VPS13C: variants seen among roughly 807,000 people sequenced by gnomAD.
The protein encoded by VPS13C is vacuolar protein sorting 13 homolog C, also known as intermembrane lipid transfer protein VPS13C.
In VPS13C, 358 loss-of-function variants were observed where a neutral mutation model predicts 456.8. The observed-to-expected ratio is 0.78, with a 90% CI of 0.72 to 0.86. The LOEUF is 0.86. Ranked by LOEUF, VPS13C falls within the 40% of genes least tolerant of loss-of-function variation. The pLI is 0.00. For synonymous variants in VPS13C, 1,578 were observed against 1,486.7 expected (o/e 1.06, Z -1.41); for missense variants, 4,818 against 4,385.4 (o/e 1.10, Z -2.79).
intron 79 of VPS13C, 115 bp downstream of exon 79, chr15:61,871,873 TA>T: frequency 1.1e-6 from 1 of 891,798 alleles, no homozygotes; most frequent in Non-Finnish European, 1.7e-6. Flanking sequence ...GCTACGAATA[TA>T]AAATTCAGTC....
chr15:61,876,465 T>C (rs903653820), intron 75 of VPS13C, among the ~76,000 whole-genome samples: 7 of 151,858 alleles, frequency 4.6e-5, no homozygotes, highest in Non-Finnish European at 8.8e-5. Flanking sequence ...CATGTAACAA[T>C]CATAATGTCT....
At position 61,914,878 on chromosome 15, in the gene VPS13C, T is replaced by TAAA. The variant is rs60910951; in HGVS notation, c.8445+752_8445+754dup. On this transcript the variant is annotated intron_variant, in intron 61 of 84. Transcript: ENST00000644861. Reference sequence around the variant, plus strand: ...ACCGAGCCTGGCCAAAACTCTGCCTTAAAAAAAAAAAAAAAAAAAAAAAAA... The same window carrying TAAA: ...ACCGAGCCTGGCCAAAACTCTGCCTTAAAAAAAAAAAAAAAAAAAAAAAAAAAA... Among the ~76,000 whole-genome samples the TAAA allele has an allele frequency of 5.3e-3, 538 of 101,992 alleles. 61 individuals are homozygous for TAAA. The highest frequency in any genetic ancestry group is 0.013 in the African/African-American group (350 of 27,062). The allele number at this position is 101,992 out of a possible 152,430, so 66.9% of individuals were successfully genotyped here.
chr15:62,037,130 A>G (rs2048026903), intron 3 of VPS13C, among the ~76,000 whole-genome samples: 1 of 139,248 alleles, frequency 7.2e-6, no homozygotes, highest in South Asian at 2.1e-4. Context: ...ACAAATTCTG[A>G]ACCATTAGAA....
chr15:61,936,142 C>G (rs960738285), intron 48 of VPS13C, among the ~76,000 whole-genome samples: 4 of 152,090 alleles, frequency 2.6e-5, no homozygotes, highest in Admixed American at 1.3e-4. Context: ...AATTAATGAT[C>G]TGAAAAATTA....
At position 61,972,586 on chromosome 15, in the gene VPS13C, A is replaced by G. The variant is rs377102020; in HGVS notation, c.2757+39T>C. ...TGAGGATAGCTTACAAGATAGTGAC[A>G]GCCAGAATATATCTATTTATAGACA... is the stretch of plus-strand genomic sequence containing the variant. On this transcript the variant is annotated intron_variant, in intron 27 of 84. Coordinates refer to ENST00000644861, the MANE Select transcript of VPS13C (RefSeq NM_020821.3). 7.4e-5 allele frequency: 119 copies of G among 1,598,502 alleles called. No homozygotes were observed. The African/African-American group carries it at 1.4e-3, about 19-fold the overall frequency.
intron 18 of VPS13C, among the ~76,000 whole-genome samples, chr15:61,990,580 G>A (rs960010664): frequency 7.2e-5 from 11 of 152,138 alleles, no homozygotes; most frequent in Non-Finnish European, 1.5e-4. Context: ...GGAGGCCGAG[G>A]AAGGCAGGTC....
intron 5 of VPS13C, among the ~76,000 whole-genome samples, chr15:62,031,828 T>G (rs2047830545): frequency 6.6e-6 from 1 of 151,936 alleles, no homozygotes; most frequent in African/African-American, 2.4e-5. Flanking sequence ...TTCTCAGCAC[T>G]GAAGACTCAG....
Position 61,980,212 on chromosome 15 carries a change from A to AG in VPS13C, c.2166+1129_2166+1130insC, listed in dbSNP as rs1353128897. Among the ~76,000 whole-genome samples, 11 of 139,678 alleles carry AG rather than the reference A, an allele frequency of 7.9e-5. No individual in the cohort carries two copies. In the East Asian group the frequency reaches 2.0e-3, roughly 26 times the overall value. The allele number at this position is 139,678 out of a possible 152,430, so 91.6% of individuals were successfully genotyped here. ...AAAAAAAAAAAAAAAAAAAAAAAAA[A>AG]AGAGAGAGAGAGATGAAACATGGCT... On this transcript the variant is annotated intron_variant, in intron 22 of 84. Transcript: ENST00000644861.
At chr15:61,907,220 A>G in intron 66 of VPS13C, 44 bp downstream of exon 66, 2 of 1,612,034 alleles carry the variant, frequency 1.2e-6, no homozygotes, top group Non-Finnish European at 1.7e-6. Context: ...TACTTCCTTC[A>G]CTGTCAGGTA....
intron 2 of VPS13C, among the ~76,000 whole-genome samples, chr15:62,042,125 A>C (rs975100781): frequency 6.6e-6 from 1 of 152,222 alleles, no homozygotes; most frequent in Non-Finnish European, 1.5e-5. Context: ...AATCTTTAAA[A>C]GAAAAGCTAG....
At chr15:61,913,615 T>A (rs142811535) in intron 61 of VPS13C, among the ~76,000 whole-genome samples, 200 bp from the exon 62 acceptor site, 2 of 150,744 alleles carry the variant, frequency 1.3e-5, no homozygotes, top group Admixed American at 6.7e-5. Flanking sequence ...CTGAGAAAGT[T>A]TGAATGAGAA....
At chr15:61,981,200 CCAAG>C in intron 22 of VPS13C, 138 bp downstream of exon 22, 4 of 1,022,686 alleles carry the variant, frequency 3.9e-6, no homozygotes, top group Non-Finnish European at 5.3e-6. Flanking sequence ...ATAAAATACT[CCAAG>C]CAAGGCTTGA....
Position 61,945,925 on chromosome 15 carries a change from T to TA in VPS13C, c.4981-44dup, listed in dbSNP as rs2044588949. 2.7e-6 allele frequency: 4 copies of TA among 1,502,766 alleles called. No individual in the cohort carries two copies. In the African/African-American group the frequency reaches 5.6e-5, roughly 21 times the overall value. 93.1% of individuals were successfully genotyped at this position (1,502,766 alleles called of 1,614,324 possible). ...ACTGGTTATTATATCAAAAGAGCTG[T>TA]ATAGCCCTTATCAATGTATTATAAA... On this transcript the variant is annotated intron_variant, in intron 44 of 84. Coordinates refer to ENST00000644861, the MANE Select transcript of VPS13C (RefSeq NM_020821.3).
chr15:61,951,821 T>C lies in VPS13C; in HGVS notation c.4456+3A>G. On this transcript the variant is annotated splice_donor_region_variant and intron_variant, in intron 39 of 84. Transcript: ENST00000644861. Reference sequence around the variant, plus strand: ...ATTTACACAGACAATATTTCACACTTACCAGTGAAATCAAAGCACTGCATA... The same window carrying C: ...ATTTACACAGACAATATTTCACACTCACCAGTGAAATCAAAGCACTGCATA... 7 of 1,607,726 alleles carry C rather than the reference T, an allele frequency of 4.4e-6. No individual in the cohort carries two copies. Among genetic ancestry groups the C allele is most frequent in the Non-Finnish European group, 5.9e-6 (7 of 1,177,046 alleles).
At chr15:62,004,717 T>C (rs1232780468) in intron 15 of VPS13C, among the ~76,000 whole-genome samples, 1 of 151,492 alleles carries the variant, frequency 6.6e-6, no homozygotes, top group Non-Finnish European at 1.5e-5. Context: ...TCTGGTATGT[T>C]GTGTCTTTGT....
rs762632716 is a variant in VPS13C, at chr15:61,967,387, A to C, written c.2972T>G (p.Leu991Trp). The C allele has an allele frequency of 5.6e-6, 9 of 1,607,224 alleles. No homozygotes were observed. Among genetic ancestry groups the C allele is most frequent in the Non-Finnish European group, 7.6e-6 (9 of 1,176,616 alleles). Reference protein sequence around the residue: ...SSSDKPGLDLLKVEYIKADKN... With the variant: ...SSSDKPGLDLWKVEYIKADKN... ...CCTTACCTTAATATACTCCACTTTC[A>C]AAAGATCTAATCCAGGTTTGTCAGA... Residue 991 changes from leucine to tryptophan, a missense_variant, in exon 29 of 85, where the codon TTG becomes TGG. Around this residue, in one of 3 missense-constraint regions of VPS13C, gnomAD observed 4,552 missense variants for 4,130.6 expected, o/e 1.10. Coordinates refer to ENST00000644861, the MANE Select transcript of VPS13C (RefSeq NM_020821.3).
At chr15:62,017,834 T>C (rs1446226168) in intron 9 of VPS13C, among the ~76,000 whole-genome samples, 1 of 152,208 alleles carries the variant, frequency 6.6e-6, no homozygotes, top group Non-Finnish European at 1.5e-5. Flanking sequence ...AAGTCATTGG[T>C]AGCTTGATGG....
At chr15:61,969,253 T>A in intron 28 of VPS13C, 46 bp downstream of exon 28, 2 of 1,376,414 alleles carry the variant, frequency 1.5e-6, no homozygotes, top group Non-Finnish European at 2.0e-6. Flanking sequence ...TACTCAAAAG[T>A]CCTATCTTTA....
At chr15:62,050,399 C>G (rs986404188) in intron 1 of VPS13C, among the ~76,000 whole-genome samples, 4 of 152,142 alleles carry the variant, frequency 2.6e-5, no homozygotes, top group Non-Finnish European at 5.9e-5. Flanking sequence ...AGAAGAGACC[C>G]CATATGATTC....
Sources: allele counts gnomAD v4.1 joint callset (sites outside exome capture counted in the v4.1 genomes callset), GRCh38; gene constraint gnomAD v4.1.1; regional missense constraint gnomAD v4.1.1; transcripts MANE v1.5; gene names NCBI Gene and HGNC (gene_info 2026-07-23, HGNC 2026-07-21).